Variants in ANKS1B observed in about 807,000 individuals in gnomAD.
ANKS1B encodes the protein ankyrin repeat and sterile alpha motif domain-containing protein 1B.
Under a neutral mutation model 148.3 loss-of-function variants are expected in ANKS1B, and 36 were observed. That is an observed-to-expected ratio of 0.24 (90% CI 0.19 to 0.32). The LOEUF is 0.32. Ranked by LOEUF, ANKS1B falls within the 10% of genes least tolerant of loss-of-function variation. The pLI, the probability that ANKS1B is intolerant of heterozygous loss-of-function variation, is 1.00. For missense variants in ANKS1B, 1,157 were observed against 1,542.6 expected (o/e 0.75, Z 4.19); for synonymous variants, 542 against 560.8 (o/e 0.97, Z 0.47).
intron 1 of ANKS1B, among the ~76,000 whole-genome samples, chr12:99,866,143 A>G (rs2090726318): frequency 6.6e-6 from 1 of 152,102 alleles, no homozygotes; most frequent in African/African-American, 2.4e-5. Flanking sequence ...CTACCCAATA[A>G]TCTTTCAATA....
chr12:99,110,043 A>C (rs548556762), intron 15 of ANKS1B, among the ~76,000 whole-genome samples: 15 of 152,320 alleles, frequency 9.8e-5, no homozygotes, highest in Non-Finnish European at 1.0e-4. Flanking sequence ...GTTTATGACC[A>C]CAAATATAAA....
At chr12:99,220,454 T>C (rs1438287028) in intron 14 of ANKS1B, among the ~76,000 whole-genome samples, 4 of 146,140 alleles carry the variant, frequency 2.7e-5, no homozygotes, top group Non-Finnish European at 6.0e-5. Context: ...CATTTCTTTT[T>C]TTTTTTTTTT....
chr12:99,791,271 T>C (rs1351049580), intron 4 of ANKS1B, among the ~76,000 whole-genome samples: 1 of 151,930 alleles, frequency 6.6e-6, no homozygotes, highest in Non-Finnish European at 1.5e-5. Context: ...TACCCAGATA[T>C]ATAAAGCAAA....
intron 12 of ANKS1B, among the ~76,000 whole-genome samples, chr12:99,258,467 T>G (rs1006589529): frequency 7.2e-5 from 11 of 152,132 alleles, no homozygotes; most frequent in Admixed American, 7.2e-4. Context: ...AGAGTGTGTT[T>G]TGTACATAAA....
chr12:99,355,932 T>C (rs553549273), intron 12 of ANKS1B, among the ~76,000 whole-genome samples: 2 of 152,204 alleles, frequency 1.3e-5, no homozygotes, highest in Admixed American at 6.5e-5. Flanking sequence ...GAGAAAAGGA[T>C]GGAAATTATA....
intron 12 of ANKS1B, among the ~76,000 whole-genome samples, chr12:99,274,545 C>T (rs2077448076): frequency 6.6e-6 from 1 of 152,156 alleles, no homozygotes; most frequent in Non-Finnish European, 1.5e-5. Context: ...TTTAAGCTCC[C>T]AGGGACGATC....
intron 17 of ANKS1B, among the ~76,000 whole-genome samples, chr12:98,903,309 A>G (rs1200830343): frequency 1.3e-5 from 2 of 152,118 alleles, no homozygotes; most frequent in Non-Finnish European, 2.9e-5. Context: ...GAAATCCTAG[A>G]TAATCAACCT....
chr12:99,942,228 C>T (rs2094937910), intron 1 of ANKS1B, among the ~76,000 whole-genome samples: 1 of 152,228 alleles, frequency 6.6e-6, no homozygotes, highest in South Asian at 2.1e-4. Flanking sequence ...GCAAAAGGAT[C>T]ATCAGGACAA....
intron 17 of ANKS1B, among the ~76,000 whole-genome samples, chr12:98,946,377 G>C (rs1212292887): frequency 1.3e-5 from 2 of 152,154 alleles, no homozygotes. Flanking sequence ...GTTTAATCCT[G>C]TTTGAGTTGG....
chr12:98,883,340 T>C (rs888390477), intron 17 of ANKS1B, among the ~76,000 whole-genome samples: 16 of 152,204 alleles, frequency 1.1e-4, no homozygotes, highest in Non-Finnish European at 2.2e-4. Context: ...ATATGGCCAG[T>C]CTTCAGGCCT....
chr12:98,770,317 A>G (rs985728602), intron 25 of ANKS1B, among the ~76,000 whole-genome samples: 3 of 152,210 alleles, frequency 2.0e-5, no homozygotes, highest in Non-Finnish European at 4.4e-5. Context: ...TCCAACCCCT[A>G]TAGAGAAAGG....
chr12:99,981,836 G>C (rs897618598), intron 1 of ANKS1B, among the ~76,000 whole-genome samples: 1 of 152,116 alleles, frequency 6.6e-6, no homozygotes, highest in Non-Finnish European at 1.5e-5. Flanking sequence ...CGGGGAAAAA[G>C]TGCCAAACAT....
At chr12:99,187,904 GAA>G (rs1442019518) in intron 14 of ANKS1B, among the ~76,000 whole-genome samples, 2 of 151,976 alleles carry the variant, frequency 1.3e-5, no homozygotes, top group Non-Finnish European at 1.5e-5. Flanking sequence ...TGACAAATTG[GAA>G]AAAGAGTCAA....
chr12:99,551,903 T>C (rs2097222123), intron 9 of ANKS1B, among the ~76,000 whole-genome samples: 1 of 152,158 alleles, frequency 6.6e-6, no homozygotes, highest in African/African-American at 2.4e-5. Flanking sequence ...GTTTATAATC[T>C]GACTCCTGCT....
chr12:99,536,578 C>T (rs1200274120), intron 9 of ANKS1B, among the ~76,000 whole-genome samples: 3 of 151,966 alleles, frequency 2.0e-5, no homozygotes, highest in Non-Finnish European at 4.4e-5. Context: ...AAAGTTGTTG[C>T]TATTAGACCT....
intron 8 of ANKS1B, among the ~76,000 whole-genome samples, chr12:99,742,208 G>A (rs192104728): frequency 1.3e-5 from 2 of 150,592 alleles, no homozygotes; most frequent in African/African-American, 4.9e-5. Flanking sequence ...CATGACATAA[G>A]TTTAGCTATG....
At chr12:99,880,910 A>C (rs2092439176) in intron 1 of ANKS1B, among the ~76,000 whole-genome samples, 1 of 152,212 alleles carries the variant, frequency 6.6e-6, no homozygotes, top group Non-Finnish European at 1.5e-5. Flanking sequence ...ATTTTTCTCC[A>C]CTAGAACCCT....
chr12:98,839,533 TACTA>T (rs2099394321), intron 17 of ANKS1B, among the ~76,000 whole-genome samples: 1 of 152,166 alleles, frequency 6.6e-6, no homozygotes. Flanking sequence ...AGAACTAAGG[TACTA>T]ACTAAGGTAT....
chr12:99,904,741 G>T (rs1404398023), intron 1 of ANKS1B, among the ~76,000 whole-genome samples: 1 of 152,140 alleles, frequency 6.6e-6, no homozygotes, highest in Non-Finnish European at 1.5e-5. Flanking sequence ...TTGATCTGAG[G>T]TGGAATCTGG....
Sources: allele counts gnomAD v4.1 joint callset (sites outside exome capture counted in the v4.1 genomes callset), GRCh38; gene constraint gnomAD v4.1.1; transcripts MANE v1.5; gene names NCBI Gene and HGNC (gene_info 2026-07-23, HGNC 2026-07-21).